HPSE: variants seen among roughly 807,000 people sequenced by gnomAD.
HPSE encodes endo-glucoronidase.
In HPSE, 48 loss-of-function variants were observed where a neutral mutation model predicts 65.1. That is an observed-to-expected ratio of 0.74 (90% CI 0.58 to 0.94). The LOEUF (loss-of-function observed/expected upper bound fraction) is 0.94. Among genes scored for constraint, HPSE ranks in the 40% least tolerant of loss-of-function variants. The pLI, the probability that HPSE is intolerant of heterozygous loss-of-function variation, is 0.00. For synonymous variants in HPSE, 243 were observed against 260.0 expected (o/e 0.93, Z 0.63); for missense variants, 644 against 637.5 (o/e 1.01, Z -0.11).
At position 83,315,658 on chromosome 4, in the gene HPSE, G is replaced by A. The variant is rs564837887; in HGVS notation, c.500-2371C>T. On this transcript the variant is annotated intron_variant, in intron 3 of 11. Coordinates refer to ENST00000311412, the MANE Select transcript of HPSE (RefSeq NM_001098540.3). The stretch of plus-strand genomic sequence containing the variant: ...CACTTATAGACTATAATATGAACAG[G>A]GGTAATATCTTTGCCCGACAGGAAC... Among the ~76,000 whole-genome samples the A allele has an allele frequency of 2.6e-5, 4 of 152,224 alleles. No homozygotes were observed. The South Asian group carries it at 8.3e-4, about 32-fold the overall frequency.
chr4:83,308,797 G>T, intron 8 of HPSE, 48 bp downstream of exon 8: 1 of 1,369,450 alleles, frequency 7.3e-7, no homozygotes, highest in South Asian at 1.2e-5. Flanking sequence ...ATAGAAGGAT[G>T]GAGAAGAGCT....
chr4:83,297,103 T>C, intron 11 of HPSE, among the ~76,000 whole-genome samples: 1 of 152,214 alleles, frequency 6.6e-6, no homozygotes, highest in East Asian at 1.9e-4. Context: ...CACAACTACT[T>C]AACACAATGA....
At chr4:83,330,314 T>C (rs1737315012) in intron 1 of HPSE, among the ~76,000 whole-genome samples, 1 of 152,158 alleles carries the variant, frequency 6.6e-6, no homozygotes, top group Non-Finnish European at 1.5e-5. Context: ...AGATATTCTG[T>C]GAGGAGGACA....
At chr4:83,310,135 A>T in intron 5 of HPSE, 57 bp from the exon 6 acceptor site, 5 of 1,167,218 alleles carry the variant, frequency 4.3e-6, no homozygotes, top group Non-Finnish European at 6.3e-6. Flanking sequence ...TGCACAATAT[A>T]CGCATGAGAG....
At chr4:83,320,039 A>G (rs1347110902) in intron 2 of HPSE, among the ~76,000 whole-genome samples, 3 of 151,992 alleles carry the variant, frequency 2.0e-5, no homozygotes, top group Admixed American at 6.6e-5. Flanking sequence ...AAAAAAAAAA[A>G]AAAAAAAAAA....
chr4:83,302,446 C>T (rs1158422084), intron 9 of HPSE, among the ~76,000 whole-genome samples, 178 bp from the exon 10 acceptor site: 1 of 149,944 alleles, frequency 6.7e-6, no homozygotes, highest in East Asian at 1.9e-4. Flanking sequence ...CACCATGAAT[C>T]TGAGAGCAGT....
chr4:83,297,025 A>AAT, intron 11 of HPSE, among the ~76,000 whole-genome samples: 1 of 152,356 alleles, frequency 6.6e-6, no homozygotes, highest in East Asian at 1.9e-4. Context: ...ATTGCCTAGC[A>AAT]ATGTCATAGT....
At chr4:83,323,114 G>A (rs1453407154) in intron 1 of HPSE, among the ~76,000 whole-genome samples, 1 of 152,104 alleles carries the variant, frequency 6.6e-6, no homozygotes, top group African/African-American at 2.4e-5. Flanking sequence ...TAGATCGTCC[G>A]AAACTATGGG....
intron 1 of HPSE, among the ~76,000 whole-genome samples, chr4:83,323,196 A>AACAGAG (rs1383710883): frequency 4.6e-5 from 7 of 152,016 alleles, no homozygotes; most frequent in African/African-American, 1.7e-4. Context: ...ATAGGTGGAG[A>AACAGAG]ACAGGGGATT....
chr4:83,319,870 G>A (rs1736810799), intron 2 of HPSE, among the ~76,000 whole-genome samples: 1 of 151,894 alleles, frequency 6.6e-6, no homozygotes, highest in African/African-American at 2.4e-5. Flanking sequence ...AGACCAGCCT[G>A]GCCAAATGGT....
intron 3 of HPSE, among the ~76,000 whole-genome samples, chr4:83,315,464 T>C (rs538649303): frequency 2.6e-5 from 4 of 152,356 alleles, no homozygotes; most frequent in Admixed American, 2.6e-4. Flanking sequence ...GGTAAGTCTT[T>C]GCCCAATATC....
At position 83,313,160 on chromosome 4, in the gene HPSE, G is replaced by A. The variant is rs773895323; in HGVS notation, c.627C>T (p.Asp209=). Reference sequence around the variant, plus strand: ...TGTTATACCCCTTGGAAGAGCAGTAGTCCAGGAGCAACTGAGCATTAGAAC... The same window carrying A: ...TGTTATACCCCTTGGAAGAGCAGTAATCCAGGAGCAACTGAGCATTAGAAC... ...WNSSNAQLLL[D]YCSSKGYNIS... The change falls in exon 4 of 12, where the codon GAC becomes GAT. Residue 209 remains aspartate (D), a synonymous_variant. Coordinates refer to ENST00000311412, the MANE Select transcript of HPSE (RefSeq NM_001098540.3). The A allele has an allele frequency of 1.9e-6, 3 of 1,613,756 alleles. No individual in the cohort carries two copies. In the African/African-American group the frequency reaches 4.0e-5, roughly 22 times the overall value.
At chr4:83,325,169 G>C (rs1444287677) in intron 1 of HPSE, among the ~76,000 whole-genome samples, 1 of 133,688 alleles carries the variant, frequency 7.5e-6, no homozygotes, top group Non-Finnish European at 1.7e-5. Context: ...GTGTGTGTGT[G>C]TGTGTGTGTG....
Position 83,301,046 on chromosome 4 carries a change from C to G in HPSE, c.1386G>C (p.Lys462Asn). 6.2e-7 allele frequency: 1 copy of G among 1,607,962 alleles called. No individual in the cohort carries two copies. The highest frequency in any genetic ancestry group is 8.5e-7 in the Non-Finnish European group (1 of 1,175,772). ...LYAINLHNVT[K>N]YLRLPYPFSN... is the part of the protein sequence containing the mutation. ...AAAAAGGATAGGGTAACCGCAAGTA[C>G]TTGGTGACATTATGGAGGTTTATGG... Residue 462 changes from lysine (K) to asparagine (N), a missense_variant, in exon 11 of 12, where the codon AAG (lysine) becomes AAC (asparagine). Coordinates refer to ENST00000311412, the MANE Select transcript of HPSE (RefSeq NM_001098540.3).
chr4:83,322,218 C>A lies in HPSE; in HGVS notation c.373+1G>T. 1 of 1,611,896 alleles carries A rather than the reference C, an allele frequency of 6.2e-7. No homozygotes were observed. Among genetic ancestry groups the A allele is most frequent in the Non-Finnish European group, 8.5e-7 (1 of 1,179,074 alleles). ...TAGAGTGAATCTTTAAAAATTTTCA[C>A]CCTGGTTGACTTGAGATTGCCAGTA... is the stretch of plus-strand genomic sequence containing the variant. On this transcript the variant is annotated splice_donor_variant, in intron 2 of 11. Transcript: ENST00000311412. LOFTEE classifies it high-confidence loss of function.
chr4:83,316,433 C>T (rs574800463), intron 3 of HPSE, among the ~76,000 whole-genome samples: 5 of 152,238 alleles, frequency 3.3e-5, no homozygotes, highest in East Asian at 3.9e-4. Flanking sequence ...TTATCTTATT[C>T]CCAATCCTTT....
At chr4:83,333,463 G>A (rs1214504451) in intron 1 of HPSE, among the ~76,000 whole-genome samples, 3 of 152,196 alleles carry the variant, frequency 2.0e-5, no homozygotes, top group East Asian at 1.9e-4. Flanking sequence ...TGGGCTCAGG[G>A]AGGACAGCAT....
intron 1 of HPSE, among the ~76,000 whole-genome samples, chr4:83,323,581 G>T (rs76017358): frequency 3.3e-5 from 5 of 152,076 alleles, no homozygotes; most frequent in Non-Finnish European, 7.4e-5. Flanking sequence ...TCTTTCCAGA[G>T]AAGTTTATAA....
At chr4:83,312,571 G>A (rs550485995) in intron 4 of HPSE, among the ~76,000 whole-genome samples, 65 of 150,514 alleles carry the variant, frequency 4.3e-4, no homozygotes, top group African/African-American at 1.4e-3. Context: ...CCAGCTACTC[G>A]GGAGGCTGAG....
Sources: gnomAD v4.1 joint callset for allele counts (sites outside exome capture counted in the v4.1 genomes callset) on GRCh38, gnomAD v4.1.1 for gene constraint, MANE v1.5 for transcripts, NCBI Gene and HGNC (gene_info 2026-07-23, HGNC 2026-07-21) for gene names.